The following BMERB1 variants were observed in gnomAD, a reference collection of about 807,000 sequenced individuals.
BMERB1 encodes bMERB domain containing 1.
Under a neutral mutation model 23.6 loss-of-function variants are expected in BMERB1, and 12 were observed. The ratio of observed to expected loss-of-function variants is 0.51; its 90% CI spans 0.33 to 0.82. The LOEUF (loss-of-function observed/expected upper bound fraction) is 0.82. BMERB1 is among the 40% of genes least tolerant of loss of function. The pLI, the probability that BMERB1 is intolerant of heterozygous loss-of-function variation, is 0.03. For missense variants in BMERB1, 247 were observed against 255.4 expected, an observed-to-expected ratio of 0.97 and a Z score of 0.22; for synonymous variants, 122 against 96.6, an observed-to-expected ratio of 1.26 and a Z score of -1.54.
intron 1 of BMERB1, among the ~76,000 whole-genome samples, chr16:15,470,172 CTT>C (rs2051216774): frequency 6.6e-6 from 1 of 152,100 alleles, no homozygotes; most frequent in South Asian, 2.1e-4. Flanking sequence ...CTTTCTGAGA[CTT>C]TTTGTACTAC....
At chr16:15,453,064 C>G (rs1300238966) in intron 1 of BMERB1, among the ~76,000 whole-genome samples, 3 of 151,912 alleles carry the variant, frequency 2.0e-5, no homozygotes, top group Non-Finnish European at 4.4e-5. Context: ...CCCAGCTACT[C>G]GGGAGGCTGG....
chr16:15,502,055 G>A (rs1056092843), intron 1 of BMERB1, among the ~76,000 whole-genome samples: 7 of 152,206 alleles, frequency 4.6e-5, no homozygotes, highest in Non-Finnish European at 8.8e-5. Context: ...AGGAAACTGA[G>A]TCTCAAAGAG....
At chr16:15,505,073 T>C (rs190435922) in intron 1 of BMERB1, among the ~76,000 whole-genome samples, 6 of 152,334 alleles carry the variant, frequency 3.9e-5, no homozygotes, top group Admixed American at 3.3e-4. Flanking sequence ...GCTTGAGTTC[T>C]CACTGAAGTT....
intron 1 of BMERB1, among the ~76,000 whole-genome samples, chr16:15,475,066 C>T (rs935303208): frequency 5.9e-5 from 9 of 152,096 alleles, no homozygotes; most frequent in African/African-American, 1.9e-4. Flanking sequence ...TTCACTTTCC[C>T]CCTTGGTGCT....
At chr16:15,547,681 G>A (rs2029961860) in intron 2 of BMERB1, among the ~76,000 whole-genome samples, 1 of 152,012 alleles carries the variant, frequency 6.6e-6, no homozygotes, top group African/African-American at 2.4e-5. Flanking sequence ...TAACCACACA[G>A]TCCCTGCTGA....
chr16:15,543,206 A>G (rs1598508316), intron 2 of BMERB1, among the ~76,000 whole-genome samples: 1 of 152,190 alleles, frequency 6.6e-6, no homozygotes, highest in African/African-American at 2.4e-5. Flanking sequence ...GACTGTCCCC[A>G]GCCAAACTCC....
chr16:15,449,200 A>T (rs1370432140), intron 1 of BMERB1, among the ~76,000 whole-genome samples: 2 of 152,250 alleles, frequency 1.3e-5, no homozygotes, highest in African/African-American at 2.4e-5. Flanking sequence ...ATACCGTGGA[A>T]TACCACCAGC....
chr16:15,528,812 G>A (rs1326454880), intron 2 of BMERB1, among the ~76,000 whole-genome samples: 2 of 152,072 alleles, frequency 1.3e-5, no homozygotes, highest in African/African-American at 4.8e-5. Flanking sequence ...GGGCTTTCAG[G>A]AGGTGATTAG....
chr16:15,515,184 A>C, intron 1 of BMERB1, 121 bp from the exon 2 acceptor site: 2 of 1,356,588 alleles, frequency 1.5e-6, no homozygotes, highest in Non-Finnish European at 2.0e-6. Context: ...GCACAGGCTG[A>C]AGTCTGTCCT....
At chr16:15,460,457 C>G (rs1258265568) in intron 1 of BMERB1, among the ~76,000 whole-genome samples, 1 of 152,134 alleles carries the variant, frequency 6.6e-6, no homozygotes, top group African/African-American at 2.4e-5. Context: ...CAAAATCACC[C>G]TCTTTTTCAT....
At chr16:15,435,044 C>T (rs912414245) in intron 1 of BMERB1, among the ~76,000 whole-genome samples, 3 of 152,228 alleles carry the variant, frequency 2.0e-5, no homozygotes, top group Non-Finnish European at 1.5e-5. Flanking sequence ...TCCGTCAGCT[C>T]GCAGCTGGTC....
chr16:15,497,083 T>C (rs1374052008), intron 1 of BMERB1, among the ~76,000 whole-genome samples: 1 of 152,198 alleles, frequency 6.6e-6, no homozygotes, highest in Non-Finnish European at 1.5e-5. Flanking sequence ...GCAATCCTGC[T>C]GACACTGTTA....
In BMERB1 at chr16:15,587,996, T is replaced by C. The variant is rs2031195802; in HGVS notation, c.*1167T>C. ...AAGTTTTTACTTTTTTTCTTGATTA[T>C]GGAAGTAATCCATGTACATAGTAAA... On this transcript the variant is annotated 3_prime_UTR_variant, in exon 6 of 6. Coordinates refer to ENST00000300006, the MANE Select transcript of BMERB1 (RefSeq NM_033201.3). The C allele has an allele frequency of 6.6e-6, 1 of 152,338 alleles. No homozygotes were observed. The highest frequency in any genetic ancestry group is 2.4e-5 in the African/African-American group (1 of 41,378). The allele number at this position is 152,338 out of a possible 1,614,324, so 9.4% of individuals were successfully genotyped here.
At chr16:15,511,200 A>G (rs1391844419) in intron 1 of BMERB1, among the ~76,000 whole-genome samples, 2 of 151,948 alleles carry the variant, frequency 1.3e-5, no homozygotes, top group Admixed American at 1.3e-4. Context: ...CATTTCCTAC[A>G]AATCCTCTGC....
chr16:15,531,341 G>T (rs919564946), intron 2 of BMERB1, among the ~76,000 whole-genome samples: 1 of 152,082 alleles, frequency 6.6e-6, no homozygotes. Context: ...TGATCCTCCC[G>T]CCTAGGCCTC....
At chr16:15,466,879 C>T (rs1035283674) in intron 1 of BMERB1, among the ~76,000 whole-genome samples, 1 of 152,154 alleles carries the variant, frequency 6.6e-6, no homozygotes, top group African/African-American at 2.4e-5. Flanking sequence ...CAACCCCTAG[C>T]AACAACAATT....
At chr16:15,448,302 A>C (rs2051008820) in intron 1 of BMERB1, among the ~76,000 whole-genome samples, 1 of 152,174 alleles carries the variant, frequency 6.6e-6, no homozygotes, top group Non-Finnish European at 1.5e-5. Flanking sequence ...TCCCATGATG[A>C]GGGCTGTATG....
In BMERB1 at chr16:15,587,346, G is replaced by A. The variant is rs924102562; in HGVS notation, c.*517G>A. ...CCCTGGAGGGCTCCACATGGCCCCC[G>A]TGTCTCTCGGGCACCACCCATATAG... On this transcript the variant is annotated 3_prime_UTR_variant, in exon 6 of 6. Transcript: ENST00000300006. 4.1e-6 allele frequency: 1 copy of A among 242,810 alleles called. No homozygotes were observed. The highest frequency in any genetic ancestry group is 8.6e-6 in the Non-Finnish European group (1 of 116,280). The allele number at this position is 242,810 out of a possible 1,614,324, so 15.0% of individuals were successfully genotyped here.
intron 1 of BMERB1, among the ~76,000 whole-genome samples, chr16:15,494,332 G>A (rs1163985861): frequency 1.3e-5 from 2 of 152,042 alleles, no homozygotes; most frequent in African/African-American, 4.8e-5. Context: ...GCCTTAGAAA[G>A]CAATCGGAGC....
Sources: allele counts gnomAD v4.1 joint callset (sites outside exome capture counted in the v4.1 genomes callset), GRCh38; gene constraint gnomAD v4.1.1; transcripts MANE v1.5; gene names NCBI Gene and HGNC (gene_info 2026-07-23, HGNC 2026-07-21).